GLG1: variants seen among roughly 807,000 people sequenced by gnomAD.
The protein encoded by GLG1 is golgi glycoprotein 1, also known as Golgi apparatus protein 1.
Under a neutral mutation model 160.5 loss-of-function variants are expected in GLG1, and 38 were observed. The observed-to-expected ratio is 0.24, with a 90% CI of 0.18 to 0.31. GLG1 has a LOEUF of 0.31. Among genes scored for constraint, GLG1 ranks in the 10% least tolerant of loss-of-function variants. GLG1 has a pLI of 1.00. For missense variants in GLG1, 1,373 were observed against 1,505.2 expected (o/e 0.91, Z 1.45); for synonymous variants, 644 against 543.4 (o/e 1.19, Z -2.57).
intron 7 of GLG1, 101 bp from the exon 8 acceptor site, chr16:74,491,316 A>T (rs1368203270): frequency 1.2e-6 from 1 of 839,650 alleles, no homozygotes; most frequent in Non-Finnish European, 2.0e-6. Flanking sequence ...CTGTAATACA[A>T]TATACCTATC....
chr16:74,510,876 A>G (rs1759305149), intron 2 of GLG1, among the ~76,000 whole-genome samples: 1 of 152,150 alleles, frequency 6.6e-6, no homozygotes, highest in Admixed American at 6.6e-5. Context: ...GAATATTCCA[A>G]ACTGGGGAGG....
chr16:74,596,056 G>C (rs1381878292), intron 1 of GLG1, among the ~76,000 whole-genome samples: 1 of 152,156 alleles, frequency 6.6e-6, no homozygotes, highest in Non-Finnish European at 1.5e-5. Context: ...CTGAGAGGCA[G>C]AGGTTGCCCC....
At chr16:74,453,941 A>C (rs1438589710) in intron 25 of GLG1, among the ~76,000 whole-genome samples, 1 of 149,638 alleles carries the variant, frequency 6.7e-6, no homozygotes, top group Non-Finnish European at 1.5e-5. Context: ...GCATGATGTC[A>C]GCTCACCACA....
chr16:74,591,071 A>G (rs1212192606), intron 1 of GLG1, among the ~76,000 whole-genome samples: 2 of 152,010 alleles, frequency 1.3e-5, no homozygotes, highest in Non-Finnish European at 2.9e-5. Context: ...CGTGGCTCAC[A>G]CCTGTAATCC....
At chr16:74,472,443 C>T (rs1299014938) in intron 13 of GLG1, 32 bp from the exon 14 acceptor site, 2 of 1,527,400 alleles carry the variant, frequency 1.3e-6, no homozygotes, top group East Asian at 2.3e-5. Flanking sequence ...AATACTTCTG[C>T]TTTAGAAAGA....
chr16:74,592,841 A>G (rs1958215655), intron 1 of GLG1, among the ~76,000 whole-genome samples: 1 of 152,130 alleles, frequency 6.6e-6, no homozygotes, highest in African/African-American at 2.4e-5. Context: ...TATCGTTTGA[A>G]TATGTCCCCC....
chr16:74,580,570 A>G (rs1957916225), intron 1 of GLG1, among the ~76,000 whole-genome samples: 1 of 152,200 alleles, frequency 6.6e-6, no homozygotes, highest in Non-Finnish European at 1.5e-5. Context: ...AAACTACAAT[A>G]TACTGTGAAG....
At chr16:74,477,977 A>AAAACAAACAAATAAATAAATAAAT (rs55773213) in intron 11 of GLG1, among the ~76,000 whole-genome samples, 17 of 140,146 alleles carry the variant, frequency 1.2e-4, no homozygotes, top group South Asian at 2.8e-4. Context: ...CCGTCTCAAA[A>AAAACAAACAAATAAATAAATAAAT]AAATAAATAA....
rs1172303072 is a variant in GLG1, at chr16:74,498,462, ATATATT to A, written c.775-1824_775-1819del. On this transcript the variant is annotated intron_variant, in intron 4 of 25. Coordinates refer to ENST00000422840, the MANE Select transcript of GLG1 (RefSeq NM_001145667.2). ...AAAAAAAAAAAGTATATATATATAT[ATATATT>A]ATATTTTATATATATATTTTATATA... 9.4e-4 allele frequency among the ~76,000 whole-genome samples: 99 copies of A among 104,940 alleles called. 17 individuals carry two copies. The East Asian group carries it at 0.024, about 25-fold the overall frequency. 68.8% of individuals were successfully genotyped at this position (104,940 alleles called of 152,430 possible).
chr16:74,521,923 T>C (rs543532566), intron 2 of GLG1, among the ~76,000 whole-genome samples: 19 of 152,310 alleles, frequency 1.2e-4, no homozygotes, highest in Middle Eastern at 6.8e-3. Flanking sequence ...AACAACGCTC[T>C]GGGCAGAGTT....
intron 1 of GLG1, among the ~76,000 whole-genome samples, chr16:74,600,525 G>A (rs899870581): frequency 6.6e-6 from 1 of 151,756 alleles, no homozygotes; most frequent in Non-Finnish European, 1.5e-5. Flanking sequence ...TGAGGTCAGA[G>A]GTTCAAGACC....
intron 1 of GLG1, among the ~76,000 whole-genome samples, chr16:74,534,133 T>C (rs2017620104): frequency 6.6e-6 from 1 of 152,192 alleles, no homozygotes; most frequent in Non-Finnish European, 1.5e-5. Context: ...GATTCTATTA[T>C]ATAACACAGT....
chr16:74,461,870 T>TG (rs2014811107), intron 22 of GLG1: 1 of 454,204 alleles, frequency 2.2e-6, no homozygotes, highest in African/African-American at 2.0e-5. Context: ...AGAACACCCT[T>TG]GTTCAACAGA....
At chr16:74,591,528 T>A (rs1201320868) in intron 1 of GLG1, among the ~76,000 whole-genome samples, 1 of 151,318 alleles carries the variant, frequency 6.6e-6, no homozygotes, top group Non-Finnish European at 1.5e-5. Context: ...CGTGGGAGGC[T>A]GAGGCAGGAG....
chr16:74,508,147 T>C (rs1273003062), intron 3 of GLG1, among the ~76,000 whole-genome samples: 1 of 152,086 alleles, frequency 6.6e-6, no homozygotes, highest in East Asian at 1.9e-4. Flanking sequence ...CTCTGAAGAA[T>C]GTGGCCCTGA....
chr16:74,572,531 A>AC (rs923468001), intron 1 of GLG1, among the ~76,000 whole-genome samples: 34 of 150,766 alleles, frequency 2.3e-4, no homozygotes, highest in Admixed American at 9.9e-4. Flanking sequence ...AACAAACAAA[A>AC]AAAAAAAAAC....
At chr16:74,462,028 A>G (rs940672131) in intron 22 of GLG1, 66 bp downstream of exon 22, 5 of 811,000 alleles carry the variant, frequency 6.2e-6, no homozygotes, top group Admixed American at 5.9e-5. Context: ...AAAGTAAACA[A>G]CTTTTCTCCA....
At position 74,456,614 on chromosome 16, in the gene GLG1, G is replaced by A. The variant is rs761659247; in HGVS notation, c.3372+35C>T. 2.1e-5 allele frequency: 28 copies of A among 1,329,338 alleles called. 2 individuals carry two copies. Among genetic ancestry groups the A allele is most frequent in the Middle Eastern group, 1.8e-4 (1 of 5,492 alleles). 82.3% of individuals were successfully genotyped at this position (1,329,338 alleles called of 1,614,324 possible). A position where few individuals can be genotyped will look rare whatever the true frequency, so the allele number is the denominator to read the frequency against. On this transcript the variant is annotated intron_variant, in intron 25 of 25. Transcript: ENST00000422840. ...TTGGTGAAGTGTTCCATATTTTTTT[G>A]TTTTTTTAAAAAAGGAGATTCTCTT...
intron 1 of GLG1, among the ~76,000 whole-genome samples, chr16:74,588,131 C>T (rs538337495): frequency 2.0e-5 from 3 of 151,670 alleles, no homozygotes; most frequent in African/African-American, 7.3e-5. Context: ...AAAACAGAGC[C>T]CACTTGTGGG....
Sources: gnomAD v4.1 joint callset for allele counts (sites outside exome capture counted in the v4.1 genomes callset) on GRCh38, gnomAD v4.1.1 for gene constraint, MANE v1.5 for transcripts, NCBI Gene and HGNC (gene_info 2026-07-23, HGNC 2026-07-21) for gene names.